Variants in TPRG1 observed in about 807,000 individuals in gnomAD.
TPRG1 encodes tumor protein p63-regulated gene 1 protein.
Under a neutral mutation model 29.3 loss-of-function variants are expected in TPRG1, and 29 were observed. The observed-to-expected ratio is 0.99, with a 90% CI of 0.74 to 1.35. The LOEUF (loss-of-function observed/expected upper bound fraction) is 1.35, where lower values mean the gene tolerates loss of function less well. TPRG1 is among the 40% of genes most tolerant of loss of function. TPRG1 has a pLI of 0.00. For synonymous variants in TPRG1, 130 were observed against 116.8 expected, an observed-to-expected ratio of 1.11 and a Z score of -0.73; for missense variants, 327 against 335.0, an observed-to-expected ratio of 0.98 and a Z score of 0.19.
At chr3:189,208,650 T>C (rs537266307) in intron 2 of TPRG1, among the ~76,000 whole-genome samples, 2 of 152,324 alleles carry the variant, frequency 1.3e-5, no homozygotes, top group Admixed American at 1.3e-4. Flanking sequence ...GTAGGTGCGA[T>C]ACTATATGTG....
chr3:189,165,737 G>A (rs1728088623), intron 5 of TPRG1, among the ~76,000 whole-genome samples: 1 of 152,132 alleles, frequency 6.6e-6, no homozygotes, highest in Non-Finnish European at 1.5e-5. Context: ...TATTATTTGT[G>A]TGACAGTGGA....
At chr3:189,263,963 C>T (rs545888618) in intron 4 of TPRG1, among the ~76,000 whole-genome samples, 2 of 152,212 alleles carry the variant, frequency 1.3e-5, no homozygotes, top group African/African-American at 4.8e-5. Context: ...GGGAAATGCT[C>T]TCTTTTTAGC....
At chr3:188,997,967 C>T (rs180872444) in intron 1 of TPRG1, among the ~76,000 whole-genome samples, 8 of 151,906 alleles carry the variant, frequency 5.3e-5, no homozygotes, top group African/African-American at 1.9e-4. Context: ...TTACCCTTGC[C>T]AGAGAAAAAA....
intron 1 of TPRG1, among the ~76,000 whole-genome samples, chr3:189,110,759 A>AT (rs771288157): frequency 1.4e-4 from 22 of 151,852 alleles, no homozygotes; most frequent in Non-Finnish European, 2.7e-4. Flanking sequence ...GTATCTAGGT[A>AT]TTTTGTTTTG....
intron 3 of TPRG1, chr3:189,023,738 A>C (rs755719309): frequency 1.3e-5 from 2 of 151,946 alleles, no homozygotes; most frequent in Non-Finnish European, 2.9e-5. Context: ...CAGTCTGGCC[A>C]CTCTTTTCTA....
chr3:189,285,061 A>C (rs982070632), intron 4 of TPRG1, among the ~76,000 whole-genome samples: 1 of 152,230 alleles, frequency 6.6e-6, no homozygotes, highest in Non-Finnish European at 1.5e-5. Flanking sequence ...GCTAATATCC[A>C]GAATCTACAA....
chr3:189,004,635 C>T (rs570865059), exon 3 of TPRG1: 4 of 152,158 alleles, frequency 2.6e-5, no homozygotes, highest in Non-Finnish European at 5.9e-5. Flanking sequence ...CTGCATGGAG[C>T]AGAACCCTTC....
intron 1 of TPRG1, among the ~76,000 whole-genome samples, chr3:189,194,928 T>A (rs1216345872): frequency 1.3e-5 from 2 of 152,092 alleles, no homozygotes; most frequent in Admixed American, 1.3e-4. Context: ...TCTCAGCAGC[T>A]AAGACACCAC....
At chr3:189,170,697 C>T (rs1009251144), upstream of TPRG1, among the ~76,000 whole-genome samples, 6 of 152,144 alleles carry the variant, frequency 3.9e-5, no homozygotes, top group South Asian at 4.1e-4. Flanking sequence ...GTATACATGA[C>T]GTCCTCGACA....
chr3:189,071,502 C>A (rs957779311), intron 4 of TPRG1, among the ~76,000 whole-genome samples: 1 of 152,126 alleles, frequency 6.6e-6, no homozygotes, highest in Admixed American at 6.5e-5. Flanking sequence ...GAGGCATGAA[C>A]TTACACCTAT....
intron 5 of TPRG1, among the ~76,000 whole-genome samples, chr3:189,164,181 G>A (rs1727852979): frequency 6.9e-6 from 1 of 145,788 alleles, no homozygotes; most frequent in Non-Finnish European, 1.5e-5. Flanking sequence ...CTTTTTTTTT[G>A]AGACAGAGTC....
chr3:189,254,704 T>C (rs181013479), intron 4 of TPRG1, among the ~76,000 whole-genome samples: 3 of 152,326 alleles, frequency 2.0e-5, no homozygotes, highest in Admixed American at 2.0e-4. Flanking sequence ...CCTTGAGCAG[T>C]GGTTTGTAGT....
chr3:189,061,076 T>C (rs1025038097), intron 4 of TPRG1, among the ~76,000 whole-genome samples: 15 of 152,308 alleles, frequency 9.8e-5, no homozygotes, highest in African/African-American at 3.4e-4. Context: ...CTGAACAGCA[T>C]GATACTGGTA....
rs1448147914 is a variant in TPRG1, at chr3:189,177,390, A to ATATG, written c.-10+5271_-10+5274dup. 3.3e-5 allele frequency among the ~76,000 whole-genome samples: 5 copies of ATATG among 151,916 alleles called. No homozygotes were observed. In the East Asian group the frequency reaches 7.7e-4, roughly 23 times the overall value. On this transcript the variant is annotated intron_variant, in intron 1 of 5. Transcript: ENST00000345063. ...GCCGAAGATAAAAAATGGGAATCAT[A>ATATG]TATGTATGTATGTATACGCATATAT...
intron 5 of TPRG1, among the ~76,000 whole-genome samples, chr3:189,155,434 G>A (rs1365115759): frequency 6.6e-6 from 1 of 152,074 alleles, no homozygotes; most frequent in Non-Finnish European, 1.5e-5. Flanking sequence ...CTTTGCAGAT[G>A]TGGTTAGAGA....
intron 4 of TPRG1, among the ~76,000 whole-genome samples, chr3:189,046,419 G>T (rs1319185922): frequency 2.0e-5 from 3 of 152,162 alleles, no homozygotes; most frequent in Non-Finnish European, 4.4e-5. Flanking sequence ...TTAAATATGT[G>T]GGACAGAGCT....
chr3:189,005,083 A>G (rs1712216783), intron 3 of TPRG1, among the ~76,000 whole-genome samples: 1 of 152,124 alleles, frequency 6.6e-6, no homozygotes, highest in South Asian at 2.1e-4. Flanking sequence ...TAGAGAGTAG[A>G]AGAATGATTA....
At chr3:189,278,580 A>G (rs565285527) in intron 4 of TPRG1, among the ~76,000 whole-genome samples, 157 of 152,294 alleles carry the variant, frequency 1.0e-3, no homozygotes, top group Middle Eastern at 3.4e-3. Context: ...TGGAGGAAAA[A>G]AGGTACTTAG....
At chr3:189,097,473 C>T (rs1718755138), upstream of TPRG1, among the ~76,000 whole-genome samples, 1 of 152,164 alleles carries the variant, frequency 6.6e-6, no homozygotes, top group South Asian at 2.1e-4. Context: ...AATTGCACAA[C>T]TACTTTTTCT....
Sources: allele counts gnomAD v4.1 joint callset (sites outside exome capture counted in the v4.1 genomes callset), GRCh38; gene constraint gnomAD v4.1.1; transcripts MANE v1.5; gene names NCBI Gene and HGNC (gene_info 2026-07-23, HGNC 2026-07-21).